The following SHQ1 variants were observed in gnomAD, a reference collection of about 807,000 sequenced individuals.
The protein encoded by SHQ1 is SHQ1, H/ACA ribonucleoprotein assembly factor.
SHQ1 carries 49 observed loss-of-function variants against 53.8 expected under a neutral mutation model. The observed-to-expected ratio is 0.91, with a 90% CI of 0.72 to 1.16. SHQ1 has a LOEUF of 1.16. Among genes scored for constraint, SHQ1 ranks in the 50% most tolerant of loss-of-function variants. The pLI is 0.00. For missense variants in SHQ1, 738 were observed against 683.1 expected (o/e 1.08, Z -0.90); for synonymous variants, 243 against 251.0 (o/e 0.97, Z 0.30).
intron 4 of SHQ1, among the ~76,000 whole-genome samples, chr3:72,837,270 C>T (rs1708031092): frequency 6.6e-6 from 1 of 152,050 alleles, no homozygotes; most frequent in South Asian, 2.1e-4. Flanking sequence ...GAGGAATGTT[C>T]AAAGAGAATT....
At chr3:72,765,557 A>ATATATATTTTTTTT (rs1491527508) in intron 10 of SHQ1, among the ~76,000 whole-genome samples, 1 of 57,192 alleles carries the variant, frequency 1.7e-5, no homozygotes, top group African/African-American at 7.9e-5. Flanking sequence ...ATATATATAT[A>ATATATATTTTTTTT]TTTTTTTTTT....
At position 72,750,170 on chromosome 3, in the gene SHQ1, C is replaced by CA. The variant is rs1705333382; in HGVS notation, c.*113dup. 1.1e-6 allele frequency: 1 copy of CA among 898,770 alleles called. No homozygotes were observed. 55.7% of individuals were successfully genotyped at this position (898,770 alleles called of 1,614,324 possible). A position where few individuals can be genotyped will look rare whatever the true frequency, so the allele number is the denominator to read the frequency against. On this transcript the variant is annotated 3_prime_UTR_variant, in exon 11 of 11. Transcript: ENST00000325599. ...TCCACAGATGTGGAACACACAAATA[C>CA]AGTGGGCTGACTATATACTAAGAAA...
At chr3:72,805,897 G>T (rs145870205) in intron 9 of SHQ1, among the ~76,000 whole-genome samples, 15 of 152,232 alleles carry the variant, frequency 9.9e-5, no homozygotes, top group African/African-American at 3.4e-4. Context: ...AGAGAACCAA[G>T]AATGTTTTAT....
chr3:72,794,722 T>A (rs1706550357), intron 9 of SHQ1: 1 of 152,286 alleles, frequency 6.6e-6, no homozygotes. Flanking sequence ...TTCTACAGAC[T>A]TGTTTCCATG....
At chr3:72,831,646 T>C (rs1707823884) in intron 5 of SHQ1, among the ~76,000 whole-genome samples, 1 of 152,198 alleles carries the variant, frequency 6.6e-6, no homozygotes, top group South Asian at 2.1e-4. Context: ...CCACGCATCC[T>C]AGCAGAGCCA....
chr3:72,820,689 A>G (rs1559688857), intron 6 of SHQ1, among the ~76,000 whole-genome samples: 1 of 152,236 alleles, frequency 6.6e-6, no homozygotes, highest in Non-Finnish European at 1.5e-5. Flanking sequence ...AAGCATTTGT[A>G]TGACTTAGCT....
Position 72,832,491 on chromosome 3 carries a change from C to A in SHQ1, c.487-10G>T, listed in dbSNP as rs1446407004. ...CATCACTCAGTTCATCCTGAGGACACCCAGAAAAGAAAGAATAATTGCTAT... is the reference window on the plus strand; with the variant it reads ...CATCACTCAGTTCATCCTGAGGACAACCAGAAAAGAAAGAATAATTGCTAT... On this transcript the variant is annotated splice_polypyrimidine_tract_variant and intron_variant, in intron 4 of 10. Coordinates refer to ENST00000325599, the MANE Select transcript of SHQ1 (RefSeq NM_018130.3). 1.3e-6 allele frequency: 2 copies of A among 1,554,914 alleles called. No homozygotes were observed. Among genetic ancestry groups the A allele is most frequent in the Non-Finnish European group, 8.7e-7 (1 of 1,143,966 alleles).
the SHQ1 span, among the ~76,000 whole-genome samples, chr3:72,738,848 T>G: frequency 6.6e-6 from 1 of 152,196 alleles, no homozygotes; most frequent in Admixed American, 6.5e-5. Flanking sequence ...GCACCTGCCC[T>G]GGGCCCCGCC....
At chr3:72,795,146 A>T (rs912317027) in intron 9 of SHQ1, 1 of 152,204 alleles carries the variant, frequency 6.6e-6, no homozygotes, top group African/African-American at 2.4e-5. Flanking sequence ...ATACCTTTTT[A>T]AAAAATATTA....
chr3:72,795,710 T>C (rs1395070797), intron 9 of SHQ1: 1 of 152,212 alleles, frequency 6.6e-6, no homozygotes, highest in Non-Finnish European at 1.5e-5. Context: ...AAAAACGAAC[T>C]ATTCTCTTGT....
At chr3:72,800,819 A>T (rs913438683) in intron 9 of SHQ1, among the ~76,000 whole-genome samples, 1 of 152,170 alleles carries the variant, frequency 6.6e-6, no homozygotes, top group Non-Finnish European at 1.5e-5. Context: ...TCCTTCCCTA[A>T]TTATATATTT....
intron 10 of SHQ1, among the ~76,000 whole-genome samples, chr3:72,756,762 TA>T (rs1179543184): frequency 6.6e-6 from 1 of 152,224 alleles, no homozygotes; most frequent in Non-Finnish European, 1.5e-5. Context: ...CAATGTAACT[TA>T]AAAAAGACCT....
At chr3:72,764,369 C>T (rs928220172) in intron 10 of SHQ1, among the ~76,000 whole-genome samples, 1 of 152,124 alleles carries the variant, frequency 6.6e-6, no homozygotes, top group Admixed American at 6.5e-5. Context: ...AAGTATTCAA[C>T]GACTGCCTCA....
intron 5 of SHQ1, among the ~76,000 whole-genome samples, chr3:72,830,659 C>T (rs1188426773): frequency 6.6e-6 from 1 of 152,120 alleles, no homozygotes; most frequent in Non-Finnish European, 1.5e-5. Flanking sequence ...AGTCTTACTG[C>T]TATCAGAAAA....
At chr3:72,846,276 T>A in intron 1 of SHQ1, 2 of 1,534,622 alleles carry the variant, frequency 1.3e-6, no homozygotes. Context: ...TTATTCATCC[T>A]TGGTATAGCA....
chr3:72,806,709 G>A (rs1388176896), intron 9 of SHQ1, among the ~76,000 whole-genome samples: 1 of 152,092 alleles, frequency 6.6e-6, no homozygotes, highest in Non-Finnish European at 1.5e-5. Context: ...ACTATCCCAT[G>A]AACCTCCTCA....
chr3:72,832,544 A>C, intron 4 of SHQ1, 63 bp from the exon 5 acceptor site: 1 of 1,162,752 alleles, frequency 8.6e-7, no homozygotes, highest in Non-Finnish European at 1.3e-6. Flanking sequence ...TAAAACTCAA[A>C]TTTTATACAA....
At chr3:72,734,612 C>G in the SHQ1 span, among the ~76,000 whole-genome samples, 1 of 151,552 alleles carries the variant, frequency 6.6e-6, no homozygotes, top group Admixed American at 6.6e-5. Flanking sequence ...TTGACATGAA[C>G]AACCTCACAT....
At position 72,844,417 on chromosome 3, in the gene SHQ1, G is replaced by A; in HGVS notation, c.150C>T (p.Thr50=). 5 of 1,613,398 alleles carry A rather than the reference G, an allele frequency of 3.1e-6. No individual in the cohort carries two copies. The highest frequency in any genetic ancestry group is 4.2e-6 in the Non-Finnish European group (5 of 1,179,560). Residue 50 remains threonine, a synonymous_variant, in exon 2 of 11, where the codon ACC becomes ACT. Coordinates refer to ENST00000325599, the MANE Select transcript of SHQ1 (RefSeq NM_018130.3). ...FYAKPYFLRL[T]LPGRIVENGS... is the part of the protein sequence containing the mutation. ...CATTTTCTACAATTCTTCCAGGAAGGGTTAATCTGCAGATTTAACACAGGT... is the reference window on the plus strand; with the variant it reads ...CATTTTCTACAATTCTTCCAGGAAGAGTTAATCTGCAGATTTAACACAGGT...
Sources: allele counts gnomAD v4.1 joint callset (sites outside exome capture counted in the v4.1 genomes callset), GRCh38; gene constraint gnomAD v4.1.1; transcripts MANE v1.5; gene names NCBI Gene and HGNC (gene_info 2026-07-23, HGNC 2026-07-21).